NOS1AP: variants seen among roughly 807,000 people sequenced by gnomAD.
NOS1AP encodes nitric oxide synthase 1 adaptor protein.
In NOS1AP, 21 loss-of-function variants were observed where a neutral mutation model predicts 56.2. The observed-to-expected ratio is 0.37, with a 90% CI of 0.26 to 0.54. The LOEUF (loss-of-function observed/expected upper bound fraction) is 0.54, where lower values mean the gene tolerates loss of function less well. Among genes scored for constraint, NOS1AP ranks in the 20% least tolerant of loss-of-function variants. The pLI is 0.84. For synonymous variants in NOS1AP, 270 were observed against 274.6 expected (o/e 0.98, Z 0.17); for missense variants, 522 against 657.8 (o/e 0.79, Z 2.26).
At chr1:162,107,942 CATT>C (rs754293932) in intron 1 of NOS1AP, among the ~76,000 whole-genome samples, 5,783 of 152,266 alleles carry the variant, frequency 0.038, 139 homozygotes, top group Middle Eastern at 0.082. Flanking sequence ...AGGAAGGAAA[CATT>C]GACATTTGAA....
At chr1:162,108,732 A>G (rs1348192598) in intron 1 of NOS1AP, among the ~76,000 whole-genome samples, 4 of 152,204 alleles carry the variant, frequency 2.6e-5, no homozygotes, top group Admixed American at 1.3e-4. Flanking sequence ...AAAAGGATTT[A>G]TACAGGGGGC....
chr1:162,260,961 C>T (rs1427567284), intron 2 of NOS1AP, among the ~76,000 whole-genome samples: 1 of 97,360 alleles, frequency 1.0e-5, no homozygotes, highest in Non-Finnish European at 2.0e-5. Context: ...ATGATTTCCT[C>T]AAAGTTTCAA....
intron 4 of NOS1AP, among the ~76,000 whole-genome samples, chr1:162,311,843 TG>T (rs1231784585): frequency 2.1e-5 from 3 of 144,660 alleles, no homozygotes; most frequent in Non-Finnish European, 3.0e-5. Flanking sequence ...TTTGGTTTTT[TG>T]TTCTTGCGAT....
At chr1:162,167,684 G>A (rs1405873763) in intron 2 of NOS1AP, among the ~76,000 whole-genome samples, 1 of 152,234 alleles carries the variant, frequency 6.6e-6, no homozygotes, top group African/African-American at 2.4e-5. Flanking sequence ...TCTCTCCCGA[G>A]CCGCTAAGAC....
chr1:162,226,620 A>G (rs1298565649), intron 2 of NOS1AP, among the ~76,000 whole-genome samples: 1 of 152,214 alleles, frequency 6.6e-6, no homozygotes, highest in East Asian at 1.9e-4. Flanking sequence ...GGCATCAGGA[A>G]GGCTTTTCTG....
chr1:162,265,908 T>C (rs1251201270), intron 2 of NOS1AP, among the ~76,000 whole-genome samples: 1 of 152,244 alleles, frequency 6.6e-6, no homozygotes, highest in Non-Finnish European at 1.5e-5. Flanking sequence ...TCGGAGATCT[T>C]GACTCCTTAT....
chr1:162,362,400 G>A (rs1384582080), intron 8 of NOS1AP, among the ~76,000 whole-genome samples: 1 of 149,590 alleles, frequency 6.7e-6, no homozygotes, highest in Non-Finnish European at 1.5e-5. Flanking sequence ...GCAGTGAGCT[G>A]AGATCATTCC....
At chr1:162,283,058 TTCTC>T (rs67352876) in intron 2 of NOS1AP, among the ~76,000 whole-genome samples, 43,638 of 151,282 alleles carry the variant, frequency 0.29, 6,697 homozygotes, top group East Asian at 0.59. Context: ...GGATCCTGTT[TTCTC>T]TCTCTCTCTT....
rs1651948497 is a variant in NOS1AP, at chr1:162,200,249, G to A, written c.177+45773G>A. Among the ~76,000 whole-genome samples, 3 of 152,172 alleles carry A rather than the reference G, an allele frequency of 2.0e-5. 1 individual carries two copies. Among genetic ancestry groups the A allele is most frequent in the Admixed American group, 2.0e-4 (3 of 15,280 alleles). On this transcript the variant is annotated intron_variant, in intron 2 of 9. Coordinates refer to ENST00000361897, the MANE Select transcript of NOS1AP (RefSeq NM_014697.3). ...CACAGGTATTTGCACATGGATATTT[G>A]GTGGTTTTCACTCCTGTGGTTTTTC...
chr1:162,155,316 A>G (rs1310441814), intron 2 of NOS1AP, among the ~76,000 whole-genome samples: 3 of 146,424 alleles, frequency 2.0e-5, no homozygotes, highest in African/African-American at 2.5e-5. Flanking sequence ...ATGTGTATAT[A>G]TATATGTATG....
At chr1:162,210,556 T>A (rs1329453427) in intron 2 of NOS1AP, among the ~76,000 whole-genome samples, 1 of 152,174 alleles carries the variant, frequency 6.6e-6, no homozygotes, top group Non-Finnish European at 1.5e-5. Context: ...TTCTGTGAAG[T>A]CCTTGCTTTC....
intron 1 of NOS1AP, among the ~76,000 whole-genome samples, chr1:162,136,042 A>G (rs960004613): frequency 6.6e-6 from 1 of 152,206 alleles, no homozygotes; most frequent in Non-Finnish European, 1.5e-5. Context: ...TATAGAAGCA[A>G]GTGAAAACAT....
intron 2 of NOS1AP, among the ~76,000 whole-genome samples, chr1:162,180,750 A>G (rs4292933): frequency 0.22 from 33,365 of 152,030 alleles, 4,078 homozygotes; most frequent in East Asian, 0.37. Context: ...GAGATGACCC[A>G]TGAGCTTCAG....
At chr1:162,213,723 G>A (rs1475460695) in intron 2 of NOS1AP, among the ~76,000 whole-genome samples, 15 of 152,242 alleles carry the variant, frequency 9.9e-5, no homozygotes, top group African/African-American at 3.4e-4. Flanking sequence ...CTGTGCCTGC[G>A]GATTTTACTA....
chr1:162,289,629 T>C (rs1055389535), intron 3 of NOS1AP, among the ~76,000 whole-genome samples: 2 of 151,608 alleles, frequency 1.3e-5, no homozygotes, highest in Admixed American at 6.6e-5. Flanking sequence ...CGCCCGCCAC[T>C]ACGCCCGGCT....
chr1:162,164,835 C>A (rs929176015), intron 2 of NOS1AP, among the ~76,000 whole-genome samples: 1 of 152,184 alleles, frequency 6.6e-6, no homozygotes. Context: ...CATGGCAGCA[C>A]ACACTGATGA....
intron 4 of NOS1AP, among the ~76,000 whole-genome samples, chr1:162,323,628 T>C: frequency 6.6e-6 from 1 of 152,246 alleles, no homozygotes; most frequent in Admixed American, 6.5e-5. Context: ...CAAATATTCT[T>C]CTTTGATCAC....
At chr1:162,352,681 A>C (rs2101816683) in intron 6 of NOS1AP, among the ~76,000 whole-genome samples, 1 of 151,954 alleles carries the variant, frequency 6.6e-6, no homozygotes, top group South Asian at 2.1e-4. Context: ...CTGTGTCCTC[A>C]CAGGGTGGAA....
At chr1:162,228,211 C>A (rs1469197678) in intron 2 of NOS1AP, among the ~76,000 whole-genome samples, 1 of 152,128 alleles carries the variant, frequency 6.6e-6, no homozygotes, top group Non-Finnish European at 1.5e-5. Context: ...TCTGATATAC[C>A]ATCATAATTT....
Sources: allele counts gnomAD v4.1 joint callset (sites outside exome capture counted in the v4.1 genomes callset), GRCh38; gene constraint gnomAD v4.1.1; transcripts MANE v1.5; gene names NCBI Gene and HGNC (gene_info 2026-07-23, HGNC 2026-07-21).